The following FBXL2 variants were observed in gnomAD, a reference collection of about 807,000 sequenced individuals.
FBXL2 encodes the protein F-box and leucine rich repeat protein 2.
FBXL2 carries 38 observed loss-of-function variants against 69.2 expected under a neutral mutation model. The observed-to-expected ratio is 0.55, with a 90% confidence interval of 0.42 to 0.72. The LOEUF (loss-of-function observed/expected upper bound fraction) is 0.72, where lower values mean the gene tolerates loss of function less well. Ranked by LOEUF, FBXL2 falls within the 30% of genes least tolerant of loss-of-function variation. The pLI, the probability that FBXL2 is intolerant of heterozygous loss-of-function variation, is 0.00. For missense variants in FBXL2, 354 were observed against 520.3 expected (o/e 0.68, Z 3.11); for synonymous variants, 192 against 201.3 (o/e 0.95, Z 0.39).
At chr3:33,359,642 C>CT (rs1472672592) in intron 4 of FBXL2, among the ~76,000 whole-genome samples, 1 of 151,976 alleles carries the variant, frequency 6.6e-6, no homozygotes, top group Non-Finnish European at 1.5e-5. Flanking sequence ...TGGTTCAGTG[C>CT]TTTAACCTTA....
intron 1 of FBXL2, among the ~76,000 whole-genome samples, chr3:33,285,918 T>G (rs1001085620): frequency 6.6e-6 from 1 of 152,204 alleles, no homozygotes; most frequent in African/African-American, 2.4e-5. Context: ...CTACACTATT[T>G]ATTCTAGTTT....
intron 12 of FBXL2, among the ~76,000 whole-genome samples, chr3:33,395,385 A>G (rs1243752764): frequency 1.3e-5 from 2 of 152,160 alleles, no homozygotes; most frequent in African/African-American, 4.8e-5. Flanking sequence ...AGAGTATGGA[A>G]AGAAGGAAAT....
At chr3:33,337,376 A>G (rs2039675559) in intron 2 of FBXL2, among the ~76,000 whole-genome samples, 1 of 152,176 alleles carries the variant, frequency 6.6e-6, no homozygotes, top group Non-Finnish European at 1.5e-5. Flanking sequence ...AATGGCCAAT[A>G]ATTATATGAA....
intron 1 of FBXL2, chr3:33,289,685 G>A (rs2035031015): frequency 3.7e-5 from 33 of 895,158 alleles, no homozygotes; most frequent in Non-Finnish European, 4.4e-5. Flanking sequence ...CAGCTACAGT[G>A]CAGGACTACA....
intron 12 of FBXL2, among the ~76,000 whole-genome samples, chr3:33,395,849 CAAA>C (rs1185296193): frequency 9.4e-6 from 1 of 105,876 alleles, no homozygotes; most frequent in Non-Finnish European, 2.1e-5. Flanking sequence ...TAAATCTGAC[CAAA>C]AAAAAAAAAA....
intron 2 of FBXL2, among the ~76,000 whole-genome samples, chr3:33,344,101 C>T (rs1190515721): frequency 6.7e-6 from 1 of 150,288 alleles, no homozygotes; most frequent in Admixed American, 6.6e-5. Flanking sequence ...AAAGATAACA[C>T]TCATAATACA....
At chr3:33,350,059 A>G (rs1034563606) in intron 2 of FBXL2, among the ~76,000 whole-genome samples, 7 of 152,194 alleles carry the variant, frequency 4.6e-5, no homozygotes, top group African/African-American at 1.7e-4. Flanking sequence ...CAGTGTTACT[A>G]TAATACCAAG....
chr3:33,384,874 A>G (rs933141869), intron 14 of FBXL2, among the ~76,000 whole-genome samples: 1 of 151,978 alleles, frequency 6.6e-6, no homozygotes, highest in African/African-American at 2.4e-5. Flanking sequence ...CGTCTCTACT[A>G]ATAATATAAA....
At chr3:33,399,574 G>A (rs2044143148) in intron 12 of FBXL2, among the ~76,000 whole-genome samples, 1 of 152,190 alleles carries the variant, frequency 6.6e-6, no homozygotes, top group African/African-American at 2.4e-5. Flanking sequence ...CTATATGATT[G>A]CATTTATATA....
At chr3:33,374,014 A>G (rs896673179) in intron 9 of FBXL2, 93 bp downstream of exon 9, 2 of 1,175,092 alleles carry the variant, frequency 1.7e-6, no homozygotes, top group Non-Finnish European at 2.5e-6. Context: ...TAGGCACCTG[A>G]GATGGGCTGT....
At chr3:33,341,035 A>G (rs1314894966) in intron 2 of FBXL2, among the ~76,000 whole-genome samples, 1 of 152,178 alleles carries the variant, frequency 6.6e-6, no homozygotes. Flanking sequence ...TGTTGAATTT[A>G]GAATGTCACC....
At chr3:33,384,816 G>A (rs191627158) in intron 14 of FBXL2, among the ~76,000 whole-genome samples, 9 of 152,150 alleles carry the variant, frequency 5.9e-5, no homozygotes, top group South Asian at 2.1e-4. Context: ...CGAGGCGGGC[G>A]GATCACAAGG....
chr3:33,368,912 A>G (rs1213265882), intron 5 of FBXL2, among the ~76,000 whole-genome samples: 1 of 151,574 alleles, frequency 6.6e-6, no homozygotes, highest in Non-Finnish European at 1.5e-5. Context: ...CCAATATGAC[A>G]ATCTTTGCTT....
intron 2 of FBXL2, chr3:33,298,018 C>A: frequency 5.2e-6 from 2 of 381,910 alleles, no homozygotes; most frequent in Non-Finnish European, 4.9e-6. Context: ...AGTAGATAAT[C>A]GTGATGAAGT....
intron 2 of FBXL2, among the ~76,000 whole-genome samples, chr3:33,309,529 A>G (rs1010027578): frequency 1.7e-4 from 26 of 151,164 alleles, no homozygotes; most frequent in Non-Finnish European, 3.5e-4. Flanking sequence ...TGCAGATAGC[A>G]TATAGTTGGG....
rs934607738 is a variant in FBXL2, at chr3:33,385,731, A to G, written c.*123A>G. 1.5e-5 allele frequency: 11 copies of G among 748,140 alleles called. No individual in the cohort carries two copies. Among genetic ancestry groups the G allele is most frequent in the South Asian group, 1.2e-4 (7 of 60,342 alleles). 46.3% of individuals were successfully genotyped at this position (748,140 alleles called of 1,614,324 possible). A position where few individuals can be genotyped will look rare whatever the true frequency, so the allele number is the denominator to read the frequency against. ...TCCATTGGGAAAGGCATTTACAGGT[A>G]AAAGACTTCTGTATGGATTGCAGTT... On this transcript the variant is annotated 3_prime_UTR_variant, in exon 15 of 15. Coordinates refer to ENST00000484457, the MANE Select transcript of FBXL2 (RefSeq NM_012157.5).
intron 2 of FBXL2, among the ~76,000 whole-genome samples, chr3:33,304,946 C>T (rs1239028183): frequency 6.6e-6 from 1 of 151,994 alleles, no homozygotes; most frequent in East Asian, 1.9e-4. Flanking sequence ...GTTTCCTCTT[C>T]AGTGAAACAC....
chr3:33,358,616 C>G (rs1449423015), intron 2 of FBXL2, among the ~76,000 whole-genome samples: 1 of 152,196 alleles, frequency 6.6e-6, no homozygotes, highest in East Asian at 1.9e-4. Flanking sequence ...GCTCAGGCAT[C>G]TGAGCCTGTT....
chr3:33,316,660 C>T (rs566694632), intron 2 of FBXL2, among the ~76,000 whole-genome samples: 38 of 152,300 alleles, frequency 2.5e-4, no homozygotes, highest in African/African-American at 8.9e-4. Flanking sequence ...TGCATAGACA[C>T]TGATAATAGT....
Sources: allele counts gnomAD v4.1 joint callset (sites outside exome capture counted in the v4.1 genomes callset), GRCh38; gene constraint gnomAD v4.1.1; transcripts MANE v1.5; gene names NCBI Gene and HGNC (gene_info 2026-07-23, HGNC 2026-07-21).